The following MICU1 variants were observed in gnomAD, a reference collection of about 807,000 sequenced individuals.
MICU1 encodes the protein calcium uptake protein 1, mitochondrial.
A neutral mutation model predicts 56.8 loss-of-function variants in MICU1; 45 were observed. The ratio of observed to expected loss-of-function variants is 0.79; its 90% CI spans 0.62 to 1.02. The LOEUF is 1.02. Ranked by LOEUF, MICU1 falls within the 50% of genes least tolerant of loss-of-function variation. The pLI is 0.00. For synonymous variants in MICU1, 186 were observed against 195.1 expected (o/e 0.95, Z 0.39); for missense variants, 504 against 587.1 (o/e 0.86, Z 1.46).
At chr10:72,511,958 C>T (rs1867465840) in intron 5 of MICU1, among the ~76,000 whole-genome samples, 1 of 152,080 alleles carries the variant, frequency 6.6e-6, no homozygotes, top group Admixed American at 6.5e-5. Context: ...ACACACTAGT[C>T]TCCTCACCCT....
At chr10:72,622,375 G>T (rs986758129) in intron 1 of MICU1, among the ~76,000 whole-genome samples, 7 of 151,886 alleles carry the variant, frequency 4.6e-5, no homozygotes, top group Non-Finnish European at 2.9e-5. Context: ...AACTCAAATG[G>T]TTTCAAACTA....
intron 1 of MICU1, among the ~76,000 whole-genome samples, chr10:72,616,951 T>C (rs746129915): frequency 2.6e-5 from 4 of 152,234 alleles, no homozygotes; most frequent in African/African-American, 4.8e-5. Flanking sequence ...GAAAACTGTC[T>C]AGGCAGCAAG....
At chr10:72,478,451 T>C (rs910835353) in intron 6 of MICU1, among the ~76,000 whole-genome samples, 5 of 152,330 alleles carry the variant, frequency 3.3e-5, no homozygotes, top group African/African-American at 9.6e-5. Context: ...ACTTCCTTCC[T>C]TTGGTGCTTC....
chr10:72,618,733 G>C lies in MICU1; in HGVS notation c.-2+7277C>G, dbSNP rs185914560. Among the ~76,000 whole-genome samples, 92 of 152,302 alleles carry C rather than the reference G, an allele frequency of 6.0e-4. 1 individual carries two copies. The East Asian group carries it at 0.017, about 28-fold the overall frequency. On this transcript the variant is annotated intron_variant, in intron 1 of 11. Coordinates refer to ENST00000361114, the MANE Select transcript of MICU1 (RefSeq NM_001195518.2). ...ATTATAATGTTCTATCACAGCTCTT[G>C]TCAAGTAGAACATGTTGTGATGACA...
intron 1 of MICU1, among the ~76,000 whole-genome samples, chr10:72,571,866 C>T (rs571920466): frequency 6.6e-6 from 1 of 151,566 alleles, no homozygotes; most frequent in African/African-American, 2.4e-5. Context: ...CCAACATGGG[C>T]AACATGGTAA....
chr10:72,511,829 C>T (rs1867459673), intron 5 of MICU1, among the ~76,000 whole-genome samples: 1 of 152,152 alleles, frequency 6.6e-6, no homozygotes, highest in Admixed American at 6.5e-5. Flanking sequence ...AAAGCAGCAG[C>T]AGAAAAGTCT....
At chr10:72,554,710 T>G (rs1840115460) in intron 3 of MICU1, among the ~76,000 whole-genome samples, 1 of 152,138 alleles carries the variant, frequency 6.6e-6, no homozygotes, top group Non-Finnish European at 1.5e-5. Context: ...GTAAAACAAT[T>G]ATTTTTTTCA....
intron 8 of MICU1, among the ~76,000 whole-genome samples, chr10:72,463,869 T>C (rs1410801079): frequency 2.6e-5 from 4 of 152,216 alleles, no homozygotes; most frequent in Non-Finnish European, 5.9e-5. Flanking sequence ...CAAGCCCCAT[T>C]CATGGTTAAG....
intron 6 of MICU1, among the ~76,000 whole-genome samples, chr10:72,494,441 CCAAA>C (rs1374277262): frequency 1.2e-4 from 17 of 143,078 alleles, no homozygotes. Context: ...TGTATATTCT[CCAAA>C]CAGACTTAAA....
chr10:72,608,243 A>AT (rs1183520912), intron 1 of MICU1, among the ~76,000 whole-genome samples: 2 of 151,548 alleles, frequency 1.3e-5, no homozygotes, highest in African/African-American at 2.4e-5. Flanking sequence ...TAATTTTTGT[A>AT]TTTTTTTTAG....
intron 7 of MICU1, among the ~76,000 whole-genome samples, chr10:72,476,684 G>A (rs1866134408): frequency 6.6e-6 from 1 of 152,052 alleles, no homozygotes; most frequent in Admixed American, 6.6e-5. Context: ...ACTGTATCTG[G>A]AGAAGCACCA....
intron 8 of MICU1, among the ~76,000 whole-genome samples, chr10:72,452,891 C>T (rs987380961): frequency 9.9e-5 from 15 of 152,180 alleles, no homozygotes; most frequent in Non-Finnish European, 4.4e-5. Context: ...CTCTGACAGA[C>T]GGACCTAGTG....
At chr10:72,478,827 G>A (rs1331264104) in intron 6 of MICU1, among the ~76,000 whole-genome samples, 7 of 152,130 alleles carry the variant, frequency 4.6e-5, no homozygotes, top group African/African-American at 1.7e-4. Flanking sequence ...CAGAGACAGG[G>A]TTTCAACATG....
At chr10:72,439,878 A>G (rs1419473995) in intron 8 of MICU1, among the ~76,000 whole-genome samples, 2 of 152,214 alleles carry the variant, frequency 1.3e-5, no homozygotes, top group Admixed American at 6.5e-5. Context: ...ACTGCAAACC[A>G]CTGCTCAATG....
intron 1 of MICU1, chr10:72,582,671 T>C (rs1483026617): frequency 1.3e-5 from 2 of 151,862 alleles, no homozygotes; most frequent in African/African-American, 2.4e-5. Flanking sequence ...TCTCCACTAG[T>C]CAGGAGTCTG....
At chr10:72,552,360 C>CA (rs1226444002) in intron 3 of MICU1, among the ~76,000 whole-genome samples, 5 of 152,116 alleles carry the variant, frequency 3.3e-5, no homozygotes, top group African/African-American at 1.2e-4. Flanking sequence ...CTACACCAGC[C>CA]ACATAATATT....
intron 9 of MICU1, among the ~76,000 whole-genome samples, chr10:72,415,947 T>A (rs7899651): frequency 0.072 from 10,883 of 152,184 alleles, 1,337 homozygotes; most frequent in African/African-American, 0.25. Flanking sequence ...TCATCTGAAA[T>A]ATGATAATTC....
chr10:72,374,098 A>G (rs1486010982), intron 11 of MICU1, among the ~76,000 whole-genome samples: 1 of 152,158 alleles, frequency 6.6e-6, no homozygotes, highest in Non-Finnish European at 1.5e-5. Context: ...TTTTGTAGGT[A>G]TAGGCTGGAG....
At chr10:72,462,933 T>G (rs190050583) in intron 8 of MICU1, among the ~76,000 whole-genome samples, 7 of 152,314 alleles carry the variant, frequency 4.6e-5, no homozygotes, top group African/African-American at 1.4e-4. Flanking sequence ...AAATGTAACA[T>G]TAAAGATATC....
Sources: gnomAD v4.1 joint callset for allele counts (sites outside exome capture counted in the v4.1 genomes callset) on GRCh38, gnomAD v4.1.1 for gene constraint, MANE v1.5 for transcripts, NCBI Gene and HGNC (gene_info 2026-07-23, HGNC 2026-07-21) for gene names.